NUDT3: variants seen among roughly 807,000 people sequenced by gnomAD.
NUDT3 encodes the protein nudix hydrolase 3.
Under a neutral mutation model 23.6 loss-of-function variants are expected in NUDT3, and 9 were observed. The ratio of observed to expected loss-of-function variants is 0.38; its 90% CI spans 0.23 to 0.66. NUDT3 has a LOEUF of 0.66. NUDT3 is among the 30% of genes least tolerant of loss of function. NUDT3 has a pLI of 0.52. For missense variants in NUDT3, 172 were observed against 218.5 expected, an observed-to-expected ratio of 0.79 and a Z score of 1.34; for synonymous variants, 86 against 82.6, an observed-to-expected ratio of 1.04 and a Z score of -0.22.
At chr6:34,390,839 TGAG>T (rs1581908329) in intron 1 of NUDT3, among the ~76,000 whole-genome samples, 1 of 152,304 alleles carries the variant, frequency 6.6e-6, no homozygotes, top group African/African-American at 2.4e-5. Context: ...GATATGATAA[TGAG>T]GAGAATAAAG....
intron 1 of NUDT3, 31 bp downstream of exon 1, chr6:34,392,233 C>T (rs955666542): frequency 2.9e-5 from 44 of 1,527,370 alleles, no homozygotes; most frequent in Non-Finnish European, 3.7e-5. Flanking sequence ...GGAGACCCGG[C>T]GACCCCGGCC....
intron 1 of NUDT3, among the ~76,000 whole-genome samples, chr6:34,391,616 T>G (rs1765200026): frequency 6.6e-6 from 1 of 152,166 alleles, no homozygotes; most frequent in African/African-American, 2.4e-5. Flanking sequence ...CATGAAACAT[T>G]TTCAGCACAC....
intron 2 of NUDT3, among the ~76,000 whole-genome samples, chr6:34,321,469 TAAC>T (rs1031073999): frequency 3.3e-5 from 5 of 152,032 alleles, no homozygotes; most frequent in East Asian, 1.9e-4. Context: ...ATAATAATAA[TAAC>T]GTGTTGTCTC....
intron 2 of NUDT3, 62 bp downstream of exon 2, chr6:34,341,800 A>G (rs902997566): frequency 2.0e-6 from 3 of 1,478,802 alleles, no homozygotes; most frequent in African/African-American, 1.4e-5. Context: ...TTAAAGAACT[A>G]CACAGATAGG....
intron 2 of NUDT3, among the ~76,000 whole-genome samples, chr6:34,334,095 G>A (rs1441313989): frequency 2.0e-5 from 3 of 152,226 alleles, no homozygotes; most frequent in Non-Finnish European, 4.4e-5. Flanking sequence ...CACCTGTCAC[G>A]AGTGATGCCT....
chr6:34,340,275 T>G (rs2113733627), intron 2 of NUDT3, among the ~76,000 whole-genome samples: 1 of 152,344 alleles, frequency 6.6e-6, no homozygotes, highest in South Asian at 2.1e-4. Flanking sequence ...TTATGCGATA[T>G]AATAAGCCTG....
chr6:34,330,368 T>C (rs1764109426), intron 2 of NUDT3, among the ~76,000 whole-genome samples: 1 of 152,190 alleles, frequency 6.6e-6, no homozygotes, highest in Non-Finnish European at 1.5e-5. Context: ...GGTACCTCAT[T>C]GTGGTTTTGA....
intron 1 of NUDT3, among the ~76,000 whole-genome samples, chr6:34,385,914 G>A (rs775360979): frequency 6.6e-6 from 1 of 152,084 alleles, no homozygotes; most frequent in Admixed American, 6.6e-5. Flanking sequence ...AAATTCCTGG[G>A]CTCATGTGAT....
chr6:34,387,235 T>TTTTC (rs1554159878), intron 1 of NUDT3, among the ~76,000 whole-genome samples: 6 of 151,952 alleles, frequency 3.9e-5, no homozygotes, highest in Non-Finnish European at 8.8e-5. Context: ...GTAGAGTGTA[T>TTTTC]TCTATTTTTT....
chr6:34,381,750 ATCATTTCT>A (rs1765021151), intron 1 of NUDT3, among the ~76,000 whole-genome samples: 2 of 152,158 alleles, frequency 1.3e-5, no homozygotes, highest in Admixed American at 6.5e-5. Flanking sequence ...TAGCAATCAA[ATCATTTCT>A]GCAAAAAGGA....
intron 1 of NUDT3, among the ~76,000 whole-genome samples, chr6:34,364,938 G>A (rs547923544): frequency 1.3e-5 from 2 of 152,058 alleles, no homozygotes; most frequent in African/African-American, 4.8e-5. Flanking sequence ...GGAGAATGGC[G>A]TGAACCCAGG....
Position 34,297,733 on chromosome 6 carries a change from A to AAT in NUDT3, c.211-2049_211-2048insAT, listed in dbSNP as rs1369747913. On this transcript the variant is annotated intron_variant, in intron 2 of 4. Transcript: ENST00000607016. ...CCGGCTAATGTAAAAAAAAAAAAAT[A>AAT]TATATATATATATATATATATATAT... Among the ~76,000 whole-genome samples, 89 of 25,952 alleles carry AAT rather than the reference A, an allele frequency of 3.4e-3. 2 individuals are homozygous for AAT. In the East Asian group the frequency reaches 0.051, roughly 15 times the overall value. 17.0% of individuals were successfully genotyped at this position (25,952 alleles called of 152,430 possible). A position where few individuals can be genotyped will look rare whatever the true frequency, so the allele number is the denominator to read the frequency against.
At chr6:34,351,198 T>TTAAA (rs1764462307) in intron 1 of NUDT3, among the ~76,000 whole-genome samples, 2 of 17,894 alleles carry the variant, frequency 1.1e-4, no homozygotes, top group Non-Finnish European at 2.3e-4. Context: ...CTCCCCTGCC[T>TTAAA]AAAAAAAAAA....
At chr6:34,341,634 A>C (rs1764288880) in intron 2 of NUDT3, among the ~76,000 whole-genome samples, 1 of 152,246 alleles carries the variant, frequency 6.6e-6, no homozygotes, top group Non-Finnish European at 1.5e-5. Context: ...GGGAAGTAAC[A>C]AAAGTCTGGC....
At chr6:34,339,576 A>G (rs764252934) in intron 2 of NUDT3, among the ~76,000 whole-genome samples, 2 of 152,166 alleles carry the variant, frequency 1.3e-5, no homozygotes, top group Non-Finnish European at 2.9e-5. Flanking sequence ...CATCAATTAC[A>G]CTCTGAGTAG....
At chr6:34,357,269 T>A (rs909357875) in intron 1 of NUDT3, among the ~76,000 whole-genome samples, 2 of 151,926 alleles carry the variant, frequency 1.3e-5, no homozygotes, top group African/African-American at 2.4e-5. Flanking sequence ...TACATGGGGG[T>A]TCACTATACT....
chr6:34,381,844 G>A (rs576210580), intron 1 of NUDT3, among the ~76,000 whole-genome samples: 1 of 152,062 alleles, frequency 6.6e-6, no homozygotes, highest in East Asian at 1.9e-4. Flanking sequence ...GGAGGCCGAG[G>A]CAGGCAGATC....
At chr6:34,342,935 C>G (rs188477795) in intron 1 of NUDT3, among the ~76,000 whole-genome samples, 1 of 152,308 alleles carries the variant, frequency 6.6e-6, no homozygotes, top group East Asian at 1.9e-4. Flanking sequence ...CCTGAGGTCT[C>G]TGCAGCTATG....
At chr6:34,345,740 C>A (rs928651068) in intron 1 of NUDT3, among the ~76,000 whole-genome samples, 1 of 150,848 alleles carries the variant, frequency 6.6e-6, no homozygotes. Context: ...AATGGAGTAA[C>A]CTTCCAGAAG....
Sources: gnomAD v4.1 joint callset for allele counts (sites outside exome capture counted in the v4.1 genomes callset) on GRCh38, gnomAD v4.1.1 for gene constraint, MANE v1.5 for transcripts, NCBI Gene and HGNC (gene_info 2026-07-23, HGNC 2026-07-21) for gene names.